Variants in HSD17B3 observed in about 807,000 individuals in gnomAD.
The protein encoded by HSD17B3 is 17-beta-hydroxysteroid dehydrogenase type 3.
A neutral mutation model predicts 41.1 loss-of-function variants in HSD17B3; 29 were observed. The ratio of observed to expected loss-of-function variants is 0.71; its 90% CI spans 0.53 to 0.96. The LOEUF is 0.96. Ranked by LOEUF, HSD17B3 falls within the 40% of genes least tolerant of loss-of-function variation. The pLI is 0.00. For missense variants in HSD17B3, 323 were observed against 374.6 expected (o/e 0.86, Z 1.14); for synonymous variants, 126 against 145.6 (o/e 0.87, Z 0.97).
At chr9:96,237,901 G>A (rs1281076161) in intron 10 of HSD17B3, among the ~76,000 whole-genome samples, 5 of 151,918 alleles carry the variant, frequency 3.3e-5, no homozygotes, top group Admixed American at 6.6e-5. Context: ...AGGCCAAAGC[G>A]GGAGGATAGC....
intron 2 of HSD17B3, among the ~76,000 whole-genome samples, chr9:96,256,661 ACT>A (rs773094361): frequency 6.6e-6 from 1 of 151,974 alleles, no homozygotes; most frequent in Non-Finnish European, 1.5e-5. Flanking sequence ...ACAGAGCAAG[ACT>A]CTGTCTCAAA....
At chr9:96,267,242 C>T (rs1442960245) in intron 2 of HSD17B3, among the ~76,000 whole-genome samples, 1 of 151,544 alleles carries the variant, frequency 6.6e-6, no homozygotes, top group Non-Finnish European at 1.5e-5. Context: ...CTGCAACCTC[C>T]ACCTCCCAGG....
chr9:96,275,589 GA>G (rs949343345), intron 2 of HSD17B3, among the ~76,000 whole-genome samples: 7 of 140,212 alleles, frequency 5.0e-5, no homozygotes, highest in Non-Finnish European at 7.8e-5. Flanking sequence ...CAGAAAAAAA[GA>G]AAAAAAAAAG....
At chr9:96,250,230 A>G in intron 5 of HSD17B3, 1 of 1,122,244 alleles carries the variant, frequency 8.9e-7, no homozygotes, top group East Asian at 4.1e-5. Flanking sequence ...AAAGATAAAG[A>G]GAAAGGACAA....
chr9:96,263,673 G>A (rs1033490298), intron 2 of HSD17B3, among the ~76,000 whole-genome samples: 5 of 152,068 alleles, frequency 3.3e-5, no homozygotes, highest in African/African-American at 1.2e-4. Flanking sequence ...AGCTTGCAGT[G>A]AGCAGAGATT....
intron 2 of HSD17B3, among the ~76,000 whole-genome samples, chr9:96,274,369 G>A (rs1286553647): frequency 6.6e-6 from 1 of 152,188 alleles, no homozygotes; most frequent in East Asian, 1.9e-4. Context: ...GCTGAGGCAG[G>A]AGAATCACTT....
In HSD17B3 at chr9:96,252,542, CA is replaced by C. The variant is rs750492480; in HGVS notation, c.385+260del. On this transcript the variant is annotated intron_variant, in intron 4 of 10. Coordinates refer to ENST00000375263, the MANE Select transcript of HSD17B3 (RefSeq NM_000197.2). ...TGGGTGACAGAGCGAGACTGCATCT[CA>C]AAAAAAAAAAAAAAAGAAAAGAAAA... Among the ~76,000 whole-genome samples, 1,788 of 63,520 alleles carry C rather than the reference CA, an allele frequency of 0.028. 22 individuals are homozygous for C. The highest frequency in any genetic ancestry group is 0.077 in the African/African-American group (1,462 of 18,928). The allele number at this position is 63,520 out of a possible 152,430, so 41.7% of individuals were successfully genotyped here. A position where few individuals can be genotyped will look rare whatever the true frequency, so the allele number is the denominator to read the frequency against.
At chr9:96,241,596 T>C (rs968935750) in intron 9 of HSD17B3, among the ~76,000 whole-genome samples, 2 of 152,114 alleles carry the variant, frequency 1.3e-5, no homozygotes, top group African/African-American at 2.4e-5. Context: ...GGATTCATAA[T>C]GGGGTTTTAT....
intron 2 of HSD17B3, among the ~76,000 whole-genome samples, chr9:96,287,596 G>T (rs1228000833): frequency 6.6e-6 from 1 of 152,116 alleles, no homozygotes; most frequent in Non-Finnish European, 1.5e-5. Context: ...TGTAGTCCCA[G>T]CTACCAGGGA....
intron 2 of HSD17B3, among the ~76,000 whole-genome samples, chr9:96,293,328 G>A (rs1280474294): frequency 1.3e-5 from 2 of 152,064 alleles, no homozygotes; most frequent in Non-Finnish European, 2.9e-5. Flanking sequence ...CGTCAGCTGA[G>A]GGCCTTAAGA....
intron 1 of HSD17B3, among the ~76,000 whole-genome samples, chr9:96,299,264 G>A (rs2130801042): frequency 6.6e-6 from 1 of 152,288 alleles, no homozygotes; most frequent in African/African-American, 2.4e-5. Flanking sequence ...TGAACAAAAG[G>A]TACATTTAGC....
chr9:96,298,694 T>C (rs1827459482), intron 1 of HSD17B3, among the ~76,000 whole-genome samples: 1 of 151,910 alleles, frequency 6.6e-6, no homozygotes, highest in Non-Finnish European at 1.5e-5. Context: ...GGTTGGTTGG[T>C]TGGTTAGTTG....
chr9:96,240,882 G>T lies in HSD17B3; in HGVS notation c.698C>A (p.Thr233Asn), dbSNP rs1345521116. 2 of 1,614,070 alleles carry T rather than the reference G, an allele frequency of 1.2e-6. No individual in the cohort carries two copies. The highest frequency in any genetic ancestry group is 1.7e-6 in the Non-Finnish European group (2 of 1,180,048). ...TGTATTTAGATACTTTGTCATTGCAGTCGAGACAGCATATGGGGTCAGCAC... is the reference window on the plus strand; with the variant it reads ...TGTATTTAGATACTTTGTCATTGCATTCGAGACAGCATATGGGGTCAGCAC... Reference protein sequence around the residue: ...IQVLTPYAVSTAMTKYLNTNV... With the variant: ...IQVLTPYAVSNAMTKYLNTNV... Residue 233 changes from threonine (T) to asparagine (N), a missense_variant, in exon 10 of 11, where the codon ACT (threonine) becomes AAT (asparagine). Physicochemically the swap from Thr to Asn is moderately conservative, Grantham distance 65. Coordinates refer to ENST00000375263, the MANE Select transcript of HSD17B3 (RefSeq NM_000197.2).
intron 2 of HSD17B3, among the ~76,000 whole-genome samples, chr9:96,295,059 T>C (rs1287411731): frequency 7.1e-6 from 1 of 141,738 alleles, no homozygotes; most frequent in East Asian, 2.2e-4. Flanking sequence ...CAGGCTGGTA[T>C]GCAGTGGCAC....
chr9:96,302,089 C>T lies in HSD17B3; in HGVS notation c.16G>A (p.Glu6Lys), dbSNP rs1468885206. The T allele has an allele frequency of 5.0e-6, 8 of 1,614,092 alleles. 1 individual carries two copies. The South Asian group carries it at 5.5e-5, about 11-fold the overall frequency. Residue 6 changes from glutamate (E) to lysine (K), a missense_variant, in exon 1 of 11, where the codon GAA becomes AAA. Coordinates refer to ENST00000375263, the MANE Select transcript of HSD17B3 (RefSeq NM_000197.2). MGDVL[E>K]QFFILTGLLV... ...AGCCCTGTGAGGATGAAGAACTGTT[C>T]CAGGACGTCCCCCATGGCTGCACTC... is the stretch of plus-strand genomic sequence containing the variant.
chr9:96,291,413 C>T (rs1827152239), intron 2 of HSD17B3, among the ~76,000 whole-genome samples: 1 of 150,268 alleles, frequency 6.7e-6, no homozygotes, highest in Non-Finnish European at 1.5e-5. Context: ...CCCCACTCCA[C>T]CTGGTAGAAA....
chr9:96,245,976 G>A (rs981202745), intron 7 of HSD17B3, among the ~76,000 whole-genome samples: 11 of 152,138 alleles, frequency 7.2e-5, no homozygotes, highest in South Asian at 2.1e-4. Flanking sequence ...CCAATTAGAC[G>A]GATACAATGG....
chr9:96,267,245 C>G (rs1053133548), intron 2 of HSD17B3, among the ~76,000 whole-genome samples: 1 of 151,300 alleles, frequency 6.6e-6, no homozygotes, highest in Non-Finnish European at 1.5e-5. Flanking sequence ...CAACCTCCAC[C>G]TCCCAGGTTC....
At chr9:96,284,215 T>TAAAAAAAA (rs569621446) in intron 2 of HSD17B3, among the ~76,000 whole-genome samples, 1 of 100,198 alleles carries the variant, frequency 1.0e-5, no homozygotes, top group African/African-American at 3.8e-5. Context: ...GACTCCATCT[T>TAAAAAAAA]AAAAAAAAAA....
Sources: gnomAD v4.1 joint callset for allele counts (sites outside exome capture counted in the v4.1 genomes callset) on GRCh38, gnomAD v4.1.1 for gene constraint, MANE v1.5 for transcripts, NCBI Gene and HGNC (gene_info 2026-07-23, HGNC 2026-07-21) for gene names.